Variants in ARHGEF4 observed in about 807,000 individuals in gnomAD.
The protein encoded by ARHGEF4 is Rho guanine nucleotide exchange factor 4.
In ARHGEF4, 119 loss-of-function variants were observed where a neutral mutation model predicts 162.0. That is an observed-to-expected ratio of 0.73 (90% confidence interval 0.63 to 0.86). The LOEUF (loss-of-function observed/expected upper bound fraction) is 0.86. ARHGEF4 is among the 40% of genes least tolerant of loss of function. ARHGEF4 has a pLI of 0.00. For synonymous variants in ARHGEF4, 1,014 were observed against 979.9 expected, an observed-to-expected ratio of 1.03 and a Z score of -0.65; for missense variants, 2,488 against 2,456.0, an observed-to-expected ratio of 1.01 and a Z score of -0.28.
intron 4 of ARHGEF4, among the ~76,000 whole-genome samples, chr2:131,021,553 T>A (rs1338602712): frequency 2.0e-5 from 3 of 152,160 alleles, no homozygotes; most frequent in Non-Finnish European, 2.9e-5. Flanking sequence ...GCATTACCAT[T>A]CAGGACATAG....
At position 130,916,997 on chromosome 2, in the gene ARHGEF4, A is replaced by G. The variant is rs914928668; in HGVS notation, c.3051A>G (p.Leu1017=). The G allele has an allele frequency of 2.6e-6, 4 of 1,550,990 alleles. No individual in the cohort carries two copies. The highest frequency in any genetic ancestry group is 3.5e-6 in the Non-Finnish European group (4 of 1,147,066). The change falls in exon 2 of 14, where the codon TTA becomes TTG. Residue 1017 remains leucine (L), a synonymous_variant. Coordinates refer to ENST00000409359, the MANE Select transcript of ARHGEF4 (RefSeq NM_001367493.1). ...PLASTPLSSS[L]VSPEHRRKSE... Reference sequence around the variant, plus strand: ...CCTCCACACCTTTGTCCTCCAGTTTAGTTTCTCCAGAACACAGGAGGAAAA... The same window carrying G: ...CCTCCACACCTTTGTCCTCCAGTTTGGTTTCTCCAGAACACAGGAGGAAAA...
intron 1 of ARHGEF4, 29 bp downstream of exon 1, chr2:130,837,021 C>G: frequency 8.2e-7 from 1 of 1,226,704 alleles, no homozygotes; most frequent in African/African-American, 1.6e-5. Context: ...GACTTGCGGT[C>G]GGGCTCCCGG....
intron 1 of ARHGEF4, among the ~76,000 whole-genome samples, chr2:130,876,461 G>T (rs1285363660): frequency 6.6e-6 from 1 of 152,062 alleles, no homozygotes; most frequent in African/African-American, 2.4e-5. Context: ...GCGCGATCTC[G>T]GCTCACTGCA....
At chr2:130,911,138 A>G (rs1681157590) in intron 1 of ARHGEF4, among the ~76,000 whole-genome samples, 1 of 152,050 alleles carries the variant, frequency 6.6e-6, no homozygotes, top group Non-Finnish European at 1.5e-5. Flanking sequence ...GGTCAGGAGG[A>G]GGAGGTGGGA....
intron 4 of ARHGEF4, among the ~76,000 whole-genome samples, chr2:130,984,087 G>C (rs1686304623): frequency 6.6e-6 from 1 of 152,198 alleles, no homozygotes; most frequent in African/African-American, 2.4e-5. Context: ...CAATGAGATA[G>C]CAATACAAAC....
intron 4 of ARHGEF4, among the ~76,000 whole-genome samples, chr2:130,981,453 G>T (rs536881832): frequency 1.3e-5 from 2 of 152,162 alleles, no homozygotes; most frequent in Admixed American, 6.5e-5. Flanking sequence ...AAGGTCGGGG[G>T]ATCGAGACCA....
At chr2:130,862,946 C>A (rs1364252828) in intron 1 of ARHGEF4, among the ~76,000 whole-genome samples, 1 of 85,190 alleles carries the variant, frequency 1.2e-5, no homozygotes, top group East Asian at 3.2e-4. Flanking sequence ...CCTTACAGGC[C>A]GAGTGTGGTG....
chr2:131,001,425 A>C (rs1687762774), intron 4 of ARHGEF4, among the ~76,000 whole-genome samples: 1 of 152,148 alleles, frequency 6.6e-6, no homozygotes, highest in African/African-American at 2.4e-5. Flanking sequence ...CTGAATAATC[A>C]ATGAATATGT....
Position 130,916,108 on chromosome 2 carries a change from C to G in ARHGEF4, c.2162C>G (p.Ala721Gly). The G allele has an allele frequency of 6.5e-7, 1 of 1,550,038 alleles. No homozygotes were observed. Among genetic ancestry groups the G allele is most frequent in the Non-Finnish European group, 8.7e-7 (1 of 1,146,916 alleles). The change falls in exon 2 of 14, where the codon GCT becomes GGT. Residue 721 changes from alanine to glycine, a missense_variant. Around this residue, in one of 6 missense-constraint regions of ARHGEF4, gnomAD observed 1,642 missense variants for 1,481.5 expected, o/e 1.11. Coordinates refer to ENST00000409359, the MANE Select transcript of ARHGEF4 (RefSeq NM_001367493.1). ...AELGRVLVPQ[A>G]ASEETPSTEE... Reference sequence around the variant, plus strand: ...CTTGGGAGAGTGCTGGTCCCCCAAGCTGCTTCGGAAGAGACGCCGAGCACA... The same window carrying G: ...CTTGGGAGAGTGCTGGTCCCCCAAGGTGCTTCGGAAGAGACGCCGAGCACA...
chr2:130,997,465 A>T (rs1687472782), intron 4 of ARHGEF4, among the ~76,000 whole-genome samples: 1 of 152,110 alleles, frequency 6.6e-6, no homozygotes, highest in Non-Finnish European at 1.5e-5. Context: ...CTTCACTTAC[A>T]GCATAAGCAA....
chr2:131,043,721 ATGGGGTGGCTCTCTGCAGGT>A (rs1193434467), intron 11 of ARHGEF4, 138 bp downstream of exon 11: 17 of 946,398 alleles, frequency 1.8e-5, no homozygotes, highest in Admixed American at 5.3e-5. Flanking sequence ...TGGGGCTGGG[ATGGGGTGGCTCTCTGCAGGT>A]GAGCCTGGTG....
At position 131,046,235 on chromosome 2, in the gene ARHGEF4, C is replaced by T. The variant is rs761862295; in HGVS notation, c.*46C>T. The T allele has an allele frequency of 1.9e-5, 29 of 1,564,622 alleles. No homozygotes were observed. The South Asian group carries it at 2.2e-4, about 12-fold the overall frequency. The stretch of plus-strand genomic sequence containing the variant: ...ACCTGCTGGGCCTTCCTGCCAGTGG[C>T]CCCCAGTTTTTCTTCCCCGAGGCCC... On this transcript the variant is annotated 3_prime_UTR_variant, in exon 14 of 14. Coordinates refer to ENST00000409359, the MANE Select transcript of ARHGEF4 (RefSeq NM_001367493.1).
At chr2:130,935,474 G>T (rs1315283033) in intron 3 of ARHGEF4, among the ~76,000 whole-genome samples, 1 of 152,128 alleles carries the variant, frequency 6.6e-6, no homozygotes, top group Non-Finnish European at 1.5e-5. Context: ...TTGGACTATT[G>T]ATTTGAGAAA....
intron 1 of ARHGEF4, among the ~76,000 whole-genome samples, chr2:130,897,677 T>C (rs1320595848): frequency 2.0e-5 from 3 of 152,338 alleles, no homozygotes; most frequent in African/African-American, 7.2e-5. Context: ...GTTGAACTCA[T>C]AGAGACACAT....
At chr2:130,952,656 A>G (rs1011447643) in intron 4 of ARHGEF4, among the ~76,000 whole-genome samples, 2 of 152,226 alleles carry the variant, frequency 1.3e-5, no homozygotes, top group Non-Finnish European at 2.9e-5. Context: ...TTGTATATTT[A>G]GAAAACCCCA....
intron 1 of ARHGEF4, among the ~76,000 whole-genome samples, chr2:130,895,424 T>C (rs1346639695): frequency 5.9e-5 from 9 of 152,222 alleles, no homozygotes; most frequent in Admixed American, 5.9e-4. Flanking sequence ...GGTTTCACTT[T>C]TTTGGGTAAA....
chr2:130,882,088 A>G (rs1679231557), intron 1 of ARHGEF4, among the ~76,000 whole-genome samples: 1 of 152,126 alleles, frequency 6.6e-6, no homozygotes, highest in Non-Finnish European at 1.5e-5. Flanking sequence ...TAGACCTGCA[A>G]AGAAATCCCC....
intron 3 of ARHGEF4, among the ~76,000 whole-genome samples, chr2:130,933,987 G>A (rs545919533): frequency 6.8e-6 from 1 of 146,418 alleles, no homozygotes; most frequent in Non-Finnish European, 1.5e-5. Flanking sequence ...GTGAAATGGG[G>A]TGTCGTTGTC....
At chr2:131,043,842 C>T (rs1573713640) in intron 11 of ARHGEF4, among the ~76,000 whole-genome samples, 1 of 152,186 alleles carries the variant, frequency 6.6e-6, no homozygotes, top group East Asian at 1.9e-4. Flanking sequence ...GCTTGCTCCT[C>T]AAGCTACCTC....
Sources: allele counts gnomAD v4.1 joint callset (sites outside exome capture counted in the v4.1 genomes callset), GRCh38; gene constraint gnomAD v4.1.1; regional missense constraint gnomAD v4.1.1; transcripts MANE v1.5; gene names NCBI Gene and HGNC (gene_info 2026-07-23, HGNC 2026-07-21).